The following CDH18 variants were observed in gnomAD, a reference collection of about 807,000 sequenced individuals.
CDH18 encodes cadherin 18.
In CDH18, 31 loss-of-function variants were observed where a neutral mutation model predicts 67.9. The ratio of observed to expected loss-of-function variants is 0.46; its 90% CI spans 0.34 to 0.62. The LOEUF is 0.62. CDH18 is among the 20% of genes least tolerant of loss of function. The pLI is 0.01. For synonymous variants in CDH18, 362 were observed against 347.2 expected, an observed-to-expected ratio of 1.04 and a Z score of -0.48; for missense variants, 890 against 975.5, an observed-to-expected ratio of 0.91 and a Z score of 1.17.
At chr5:20,086,883 C>T (rs1745000182) in intron 2 of CDH18, among the ~76,000 whole-genome samples, 1 of 152,120 alleles carries the variant, frequency 6.6e-6, no homozygotes, top group Non-Finnish European at 1.5e-5. Context: ...ATCCATTCTG[C>T]AGCTCATGGG....
chr5:19,606,662 T>C (rs752023335), intron 6 of CDH18, among the ~76,000 whole-genome samples: 3 of 151,810 alleles, frequency 2.0e-5, no homozygotes, highest in African/African-American at 7.2e-5. Context: ...ATAATAATTA[T>C]TATACAGCAA....
chr5:20,156,845 G>A (rs1277550064), intron 2 of CDH18, among the ~76,000 whole-genome samples: 2 of 152,124 alleles, frequency 1.3e-5, no homozygotes, highest in South Asian at 2.1e-4. Context: ...AATAAAACTT[G>A]TTTGGATGGA....
intron 1 of CDH18, among the ~76,000 whole-genome samples, chr5:20,496,796 C>A (rs1180442445): frequency 2.0e-5 from 3 of 152,066 alleles, no homozygotes; most frequent in African/African-American, 7.2e-5. Context: ...ACACCTATCT[C>A]TAACCTTACG....
intron 1 of CDH18, among the ~76,000 whole-genome samples, chr5:20,295,773 G>T (rs2149953623): frequency 1.3e-5 from 2 of 150,956 alleles, no homozygotes; most frequent in East Asian, 2.0e-4. Context: ...TTGTATATAT[G>T]TTTATTTTCA....
chr5:19,882,141 C>T (rs1024670521), intron 2 of CDH18, among the ~76,000 whole-genome samples: 1 of 152,120 alleles, frequency 6.6e-6, no homozygotes, highest in African/African-American at 2.4e-5. Context: ...ACTCATAATA[C>T]ATGTCTTACA....
At chr5:19,553,027 C>CA (rs1186953997) in intron 8 of CDH18, among the ~76,000 whole-genome samples, 1 of 151,828 alleles carries the variant, frequency 6.6e-6, no homozygotes, top group Non-Finnish European at 1.5e-5. Context: ...CTTCAGGGAC[C>CA]AAAAAACAGA....
intron 10 of CDH18, among the ~76,000 whole-genome samples, chr5:19,514,229 T>C (rs530852853): frequency 1.8e-4 from 28 of 152,344 alleles, no homozygotes; most frequent in African/African-American, 6.7e-4. Flanking sequence ...CCACATTTTC[T>C]TAATCCAGTC....
At chr5:20,476,878 C>A (rs1163917209) in intron 1 of CDH18, among the ~76,000 whole-genome samples, 2 of 152,078 alleles carry the variant, frequency 1.3e-5, no homozygotes, top group Non-Finnish European at 2.9e-5. Context: ...TTATTCAGAT[C>A]TATTTTTTAT....
At chr5:19,586,787 G>A (rs981672463) in intron 7 of CDH18, among the ~76,000 whole-genome samples, 9 of 152,148 alleles carry the variant, frequency 5.9e-5, no homozygotes, top group African/African-American at 2.2e-4. Context: ...TTGCCACACT[G>A]TCTTCCAGAA....
chr5:20,226,167 T>G lies in CDH18; in HGVS notation c.-518+29277A>C, dbSNP rs1478937348. 2.6e-5 allele frequency among the ~76,000 whole-genome samples: 4 copies of G among 152,240 alleles called. No individual in the cohort carries two copies. The East Asian group carries it at 7.7e-4, about 29-fold the overall frequency. On this transcript the variant is annotated intron_variant, in intron 2 of 14. Coordinates refer to the CDH18 transcript ENST00000507958. The stretch of plus-strand genomic sequence containing the variant: ...ATTTTTTTAAAAAGCAAGATCTACT[T>G]GTACATACACATAAACACACTGGCC...
intron 2 of CDH18, among the ~76,000 whole-genome samples, chr5:19,995,619 A>AC (rs1186869828): frequency 2.6e-5 from 4 of 151,916 alleles, no homozygotes; most frequent in Non-Finnish European, 4.4e-5. Flanking sequence ...AAAAAAAAAA[A>AC]AAAACTTTAA....
At chr5:19,951,971 A>C (rs1026608549) in intron 2 of CDH18, among the ~76,000 whole-genome samples, 1 of 152,182 alleles carries the variant, frequency 6.6e-6, no homozygotes, top group African/African-American at 2.4e-5. Flanking sequence ...GAAGCCAAAA[A>C]GATAAGTACT....
At chr5:19,772,442 T>G (rs2149744106) in intron 3 of CDH18, among the ~76,000 whole-genome samples, 1 of 152,200 alleles carries the variant, frequency 6.6e-6, no homozygotes. Flanking sequence ...TTGAAGATGT[T>G]ATAATACTTG....
chr5:20,409,109 T>C (rs898663079), intron 1 of CDH18, among the ~76,000 whole-genome samples: 2 of 151,804 alleles, frequency 1.3e-5, no homozygotes, highest in Non-Finnish European at 3.0e-5. Flanking sequence ...AGACAATAAT[T>C]GTAGGTAACT....
chr5:19,665,317 T>G (rs750611617), intron 5 of CDH18, among the ~76,000 whole-genome samples: 30 of 152,006 alleles, frequency 2.0e-4, no homozygotes, highest in Non-Finnish European at 2.6e-4. Context: ...TAATTGGGAA[T>G]AAGTTGTAAA....
At chr5:20,497,989 T>C (rs1262141255) in intron 1 of CDH18, among the ~76,000 whole-genome samples, 2 of 152,054 alleles carry the variant, frequency 1.3e-5, no homozygotes, top group Non-Finnish European at 2.9e-5. Flanking sequence ...TTTCCCCCTG[T>C]GACAACACAG....
intron 3 of CDH18, among the ~76,000 whole-genome samples, chr5:19,748,148 G>A (rs1263026840): frequency 1.6e-5 from 1 of 61,714 alleles, no homozygotes; most frequent in Non-Finnish European, 4.4e-5. Context: ...ACTTTTTTAG[G>A]GATAGAGTAT....
intron 8 of CDH18, among the ~76,000 whole-genome samples, chr5:19,550,391 C>T (rs1280483196): frequency 6.6e-6 from 1 of 151,972 alleles, no homozygotes; most frequent in Non-Finnish European, 1.5e-5. Flanking sequence ...TTAGGTATAT[C>T]TCCCAATGCT....
At chr5:20,465,298 G>A (rs1324932452) in intron 1 of CDH18, among the ~76,000 whole-genome samples, 1 of 151,968 alleles carries the variant, frequency 6.6e-6, no homozygotes, top group Non-Finnish European at 1.5e-5. Flanking sequence ...TTCAGGGGAA[G>A]CACTAACAGC....
Sources: gnomAD v4.1 joint callset for allele counts (sites outside exome capture counted in the v4.1 genomes callset) on GRCh38, gnomAD v4.1.1 for gene constraint, MANE v1.5 for transcripts, NCBI Gene and HGNC (gene_info 2026-07-23, HGNC 2026-07-21) for gene names.